HEATR5A: variants seen among roughly 807,000 people sequenced by gnomAD.
The protein encoded by HEATR5A is HEAT repeat containing 5A.
Under a neutral mutation model 218.8 loss-of-function variants are expected in HEATR5A, and 178 were observed. The ratio of observed to expected loss-of-function variants is 0.81; its 90% CI spans 0.72 to 0.92. The LOEUF (loss-of-function observed/expected upper bound fraction) is 0.92. HEATR5A is among the 40% of genes least tolerant of loss of function. HEATR5A has a pLI of 0.00. For synonymous variants in HEATR5A, 864 were observed against 871.6 expected (o/e 0.99, Z 0.15); for missense variants, 2,420 against 2,418.9 (o/e 1.00, Z -0.01).
At chr14:31,410,972 TATA>T (rs1467083579) in intron 1 of HEATR5A, among the ~76,000 whole-genome samples, 3 of 152,152 alleles carry the variant, frequency 2.0e-5, no homozygotes, top group Non-Finnish European at 2.9e-5. Flanking sequence ...ATGTTAACAA[TATA>T]ATAATGATTT....
intron 21 of HEATR5A, among the ~76,000 whole-genome samples, chr14:31,340,758 T>C (rs773109100): frequency 4.6e-5 from 7 of 151,850 alleles, no homozygotes; most frequent in Non-Finnish European, 8.8e-5. Flanking sequence ...AATCTCTGAT[T>C]AAGCCTCAGT....
intron 20 of HEATR5A, among the ~76,000 whole-genome samples, chr14:31,344,518 A>G (rs1370768247): frequency 6.6e-6 from 1 of 150,516 alleles, no homozygotes; most frequent in African/African-American, 2.5e-5. Flanking sequence ...GACCCGATTC[A>G]GTGATCCACC....
intron 22 of HEATR5A, chr14:31,334,239 T>A (rs1001555483): frequency 9.0e-6 from 3 of 335,136 alleles, no homozygotes; most frequent in Admixed American, 3.7e-5. Flanking sequence ...TACAAGGAGA[T>A]AAATGTTGTT....
intron 6 of HEATR5A, among the ~76,000 whole-genome samples, 169 bp from the exon 7 acceptor site, chr14:31,389,174 T>A (rs2139286651): frequency 6.6e-6 from 1 of 151,824 alleles, no homozygotes; most frequent in East Asian, 1.9e-4. Context: ...ACACAAGGGG[T>A]CAGAGGTCAA....
chr14:31,314,661 A>G (rs1489825406), intron 27 of HEATR5A, among the ~76,000 whole-genome samples: 2 of 152,112 alleles, frequency 1.3e-5, no homozygotes, highest in South Asian at 2.1e-4. Flanking sequence ...TTGGGCTCCT[A>G]AAGTGTTGGG....
intron 16 of HEATR5A, 47 bp downstream of exon 16, chr14:31,358,590 C>T: frequency 3.4e-6 from 5 of 1,478,148 alleles, no homozygotes; most frequent in East Asian, 2.3e-5. Context: ...TTCTTCTTAC[C>T]CACCAGTTCT....
chr14:31,345,490 T>C (rs1193056333), intron 19 of HEATR5A, among the ~76,000 whole-genome samples: 2 of 152,204 alleles, frequency 1.3e-5, no homozygotes, highest in Admixed American at 1.3e-4. Context: ...AAGTAATAGT[T>C]GGTACTTCAG....
intron 2 of HEATR5A, among the ~76,000 whole-genome samples, chr14:31,400,911 G>C (rs1487994172): frequency 2.0e-5 from 3 of 151,156 alleles, no homozygotes; most frequent in Admixed American, 6.6e-5. Context: ...CCGATCTCCG[G>C]TCACTGCAAG....
intron 1 of HEATR5A, among the ~76,000 whole-genome samples, chr14:31,409,389 T>G: frequency 6.7e-6 from 1 of 148,576 alleles, no homozygotes; most frequent in Non-Finnish European, 1.5e-5. Context: ...CAAAACCACA[T>G]CTAAGAGCAG....
In HEATR5A at chr14:31,315,824, A is replaced by G; in HGVS notation, c.4164T>C (p.Tyr1388=). 1 of 1,613,418 alleles carries G rather than the reference A, an allele frequency of 6.2e-7. No homozygotes were observed. Among genetic ancestry groups the G allele is most frequent in the African/African-American group, 1.3e-5 (1 of 75,046 alleles). ...TCTCCATGGTAGAAGCACTTTCATT[A>G]TATAAGTGACTTAGAGCTTCTTTTC... The part of the protein sequence containing the change: ...QAGKEALSHL[Y]NESASTMEIL... Residue 1388 remains tyrosine (Y), a synonymous_variant, in exon 27 of 36, where the codon TAT becomes TAC. Coordinates refer to ENST00000543095, the MANE Select transcript of HEATR5A (RefSeq NM_015473.4).
intron 1 of HEATR5A, among the ~76,000 whole-genome samples, chr14:31,409,621 G>A (rs138815308): frequency 6.0e-4 from 91 of 152,206 alleles, no homozygotes; most frequent in Admixed American, 1.0e-3. Flanking sequence ...GATCCCTTGA[G>A]ATAGGGAGAT....
intron 1 of HEATR5A, among the ~76,000 whole-genome samples, chr14:31,414,777 C>A (rs950875552): frequency 3.3e-5 from 5 of 152,168 alleles, no homozygotes. Flanking sequence ...CAGATTCACC[C>A]TTAATCCACA....
chr14:31,332,526 T>C (rs1595105790), intron 22 of HEATR5A, among the ~76,000 whole-genome samples: 1 of 152,176 alleles, frequency 6.6e-6, no homozygotes, highest in South Asian at 2.1e-4. Context: ...GAGAAAGGCA[T>C]GTCAAAAGCC....
At chr14:31,322,902 C>A (rs138403663) in intron 24 of HEATR5A, among the ~76,000 whole-genome samples, 1 of 150,404 alleles carries the variant, frequency 6.6e-6, no homozygotes, top group African/African-American at 2.4e-5. Context: ...GACATCAAAC[C>A]ATAAAGGCAA....
Position 31,398,785 on chromosome 14 carries a change from AAAC to A in HEATR5A, c.339-7_339-5del, listed in dbSNP as rs1485602179. ...ACCCAAACATACCACAGCAGCACTG[AAAC>A]AACATTTAAATTAGAAATTAGTCAC... is the stretch of plus-strand genomic sequence containing the variant. On this transcript the variant is annotated splice_polypyrimidine_tract_variant and splice_region_variant and intron_variant, in intron 3 of 35. Transcript: ENST00000543095. The A allele has an allele frequency of 1.0e-4, 149 of 1,477,752 alleles. No individual in the cohort carries two copies. Among genetic ancestry groups the A allele is most frequent in the Non-Finnish European group, 1.3e-4 (143 of 1,095,092 alleles). The allele number at this position is 1,477,752 out of a possible 1,614,324, so 91.5% of individuals were successfully genotyped here.
At chr14:31,391,611 T>A (rs1242753697) in intron 6 of HEATR5A, among the ~76,000 whole-genome samples, 2 of 152,222 alleles carry the variant, frequency 1.3e-5, no homozygotes, top group Non-Finnish European at 2.9e-5. Flanking sequence ...TACAGTAGTA[T>A]ACAGTAATAT....
chr14:31,398,805 ATTAG>A, intron 3 of HEATR5A, 24 bp from the exon 4 acceptor site: 1 of 1,309,984 alleles, frequency 7.6e-7, no homozygotes, highest in Non-Finnish European at 1.1e-6. Flanking sequence ...TAAATTAGAA[ATTAG>A]TCACAGCTGA....
chr14:31,331,970 A>G (rs940075242), intron 22 of HEATR5A, among the ~76,000 whole-genome samples: 6 of 152,200 alleles, frequency 3.9e-5, no homozygotes, highest in African/African-American at 1.4e-4. Context: ...TGGGACACAA[A>G]GCCAAACCAT....
intron 25 of HEATR5A, among the ~76,000 whole-genome samples, chr14:31,319,639 G>A (rs1900024268): frequency 6.6e-6 from 1 of 152,306 alleles, no homozygotes; most frequent in Admixed American, 6.5e-5. Context: ...GATGAATGCT[G>A]CTAGAGGATT....
Sources: gnomAD v4.1 joint callset for allele counts (sites outside exome capture counted in the v4.1 genomes callset) on GRCh38, gnomAD v4.1.1 for gene constraint, MANE v1.5 for transcripts, NCBI Gene and HGNC (gene_info 2026-07-23, HGNC 2026-07-21) for gene names.